MPP2: variants seen among roughly 807,000 people sequenced by gnomAD.
MPP2 encodes MAGUK p55 subfamily member 2.
In MPP2, 42 loss-of-function variants were observed where a neutral mutation model predicts 58.5. The observed-to-expected ratio is 0.72, with a 90% confidence interval of 0.56 to 0.93. The LOEUF (loss-of-function observed/expected upper bound fraction) is 0.93, where lower values mean the gene tolerates loss of function less well. Among genes scored for constraint, MPP2 ranks in the 40% least tolerant of loss-of-function variants. MPP2 has a pLI of 0.00. For missense variants in MPP2, 632 were observed against 760.4 expected, an observed-to-expected ratio of 0.83 and a Z score of 1.99; for synonymous variants, 300 against 307.8, an observed-to-expected ratio of 0.97 and a Z score of 0.26.
At chr17:43,898,586 TG>T (rs1165529200) in intron 2 of MPP2, among the ~76,000 whole-genome samples, 1 of 151,998 alleles carries the variant, frequency 6.6e-6, no homozygotes, top group Admixed American at 6.5e-5. Context: ...ACAATTTCCT[TG>T]GCCTGTTCTC....
At position 43,881,155 on chromosome 17, in the gene MPP2, G is replaced by C; in HGVS notation, c.923C>G (p.Thr308Ser). ...CTTTCCTGAAAGGCTGCCGCATAGG[G>C]TCCCTGGCCATAGGGAGATGGGTGA... ...RDLELTPNSG[T>S]LCGSLSGKKK... The change falls in exon 9 of 13, where the codon ACC (threonine) becomes AGC (serine). Residue 308 changes from threonine to serine, a missense_variant. By Grantham distance (58) the Thr-to-Ser change is moderately conservative (BLOSUM62 1). Transcript: ENST00000269095. 1 of 1,614,058 alleles carries C rather than the reference G, an allele frequency of 6.2e-7. No individual in the cohort carries two copies. Among genetic ancestry groups the C allele is most frequent in the African/African-American group, 1.3e-5 (1 of 75,004 alleles).
rs368406948 is a variant in MPP2, at chr17:43,879,926, G to A, written c.1209C>T (p.Ser403=). ...GGACGTCAGCCTCCATCTCCCCACG[G>A]GACACAAAGCTGTAACCCTGACCTT... ...EREGQGYSFV[S]RGEMEADVRA... is the part of the protein sequence containing the mutation. Residue 403 remains serine (S), a synonymous_variant, in exon 11 of 13, where the codon TCC becomes TCT. Coordinates refer to ENST00000269095, the MANE Select transcript of MPP2 (RefSeq NM_005374.5). This position sits in a 1 kb window ranked among gnomAD's most constrained non-coding sequence, Gnocchi z 4.1. 7 of 1,613,952 alleles carry A rather than the reference G, an allele frequency of 4.3e-6. No homozygotes were observed. In the African/African-American group the frequency reaches 8.0e-5, roughly 18 times the overall value.
rs1168038740 is a variant in MPP2 at position 43,877,588 on chromosome 17, G to C, written c.*219C>G. Reference sequence around the variant, plus strand: ...ATCTGGTGACCAATGGGCATCAGGAGTGGGCAGCACCTGGGCACAAGGTAC... The same window carrying C: ...ATCTGGTGACCAATGGGCATCAGGACTGGGCAGCACCTGGGCACAAGGTAC... On this transcript the variant is annotated 3_prime_UTR_variant, in exon 13 of 13. Transcript: ENST00000269095. 1.0e-5 allele frequency: 6 copies of C among 572,930 alleles called. No homozygotes were observed. The highest frequency in any genetic ancestry group is 1.9e-5 in the African/African-American group (1 of 53,656). 35.5% of individuals were successfully genotyped at this position (572,930 alleles called of 1,614,324 possible).
At chr17:43,890,406 T>C (rs1047792781) in intron 3 of MPP2, among the ~76,000 whole-genome samples, 4 of 152,182 alleles carry the variant, frequency 2.6e-5, no homozygotes, top group African/African-American at 9.7e-5. Flanking sequence ...GAGACACAGC[T>C]AGTTTATAGT....
In MPP2 at chr17:43,904,375, C is replaced by T. The variant is rs376883134; in HGVS notation, c.31+55G>A. ...GTGCAAGTGCCCACCCCTAAGTCCT[C>T]GCCTGGCACCCTCTGAACCACTGAA... On this transcript the variant is annotated intron_variant, in intron 2 of 12. Coordinates refer to ENST00000269095, the MANE Select transcript of MPP2 (RefSeq NM_005374.5). 1.1e-4 allele frequency: 174 copies of T among 1,583,530 alleles called. No homozygotes were observed. In the African/African-American group the frequency reaches 1.5e-3, roughly 13 times the overall value.
rs573676278 is a variant in MPP2 at position 43,879,347 on chromosome 17, G to A, written c.1410C>T (p.Ala470=). 2.5e-6 allele frequency: 4 copies of A among 1,614,124 alleles called. No individual in the cohort carries two copies. In the South Asian group the frequency reaches 4.4e-5, roughly 18 times the overall value. ...EFVPYVVFIE[A]PDFETLRAMN... Reference sequence around the variant, plus strand: ...TGGCCCGCAGGGTCTCGAAGTCTGGGGCCTCGATGAACACCACGTAAGGGA... The same window carrying A: ...TGGCCCGCAGGGTCTCGAAGTCTGGAGCCTCGATGAACACCACGTAAGGGA... The change falls in exon 12 of 13, where the codon GCC becomes GCT. Residue 470 remains alanine, a synonymous_variant. Transcript: ENST00000269095. This position sits in a 1 kb window ranked among gnomAD's most constrained non-coding sequence, Gnocchi z 4.1.
At position 43,879,161 on chromosome 17, in the gene MPP2, G is replaced by T; in HGVS notation, c.1482+114C>A. Reference sequence around the variant, plus strand: ...ACCACGTCCTGCCTCACTGATAACTGGAGCAGGCCCCTGTCCCTCCCCAAC... The same window carrying T: ...ACCACGTCCTGCCTCACTGATAACTTGAGCAGGCCCCTGTCCCTCCCCAAC... On this transcript the variant is annotated intron_variant, in intron 12 of 12. Transcript: ENST00000269095. This position sits in a 1 kb window ranked among gnomAD's most constrained non-coding sequence, Gnocchi z 4.1. 1 of 1,316,812 alleles carries T rather than the reference G, an allele frequency of 7.6e-7. No individual in the cohort carries two copies. Among genetic ancestry groups the T allele is most frequent in the East Asian group, 2.3e-5 (1 of 42,834 alleles). 81.6% of individuals were successfully genotyped at this position (1,316,812 alleles called of 1,614,324 possible). A position where few individuals can be genotyped will look rare whatever the true frequency, so the allele number is the denominator to read the frequency against.
At chr17:43,902,879 A>G (rs34904618) in intron 2 of MPP2, among the ~76,000 whole-genome samples, 2,114 of 152,300 alleles carry the variant, frequency 0.014, 52 homozygotes, top group African/African-American at 0.048. Context: ...TCCTGCGTGC[A>G]CTACGGGAAT....
At chr17:43,908,036 T>A (rs909141266), upstream of MPP2, 4 of 941,466 alleles carry the variant, frequency 4.2e-6, no homozygotes, top group African/African-American at 7.1e-5. Flanking sequence ...AGAGGGTGGA[T>A]ATCCGGATTC....
At chr17:43,909,524 TAATC>T (rs775932921), upstream of MPP2, 210 of 1,362,230 alleles carry the variant, frequency 1.5e-4, no homozygotes, top group Non-Finnish European at 1.9e-4. Context: ...AATTACTTCT[TAATC>T]AAGCAATTAT....
intron 1 of MPP2, 119 bp downstream of exon 1, chr17:43,907,355 G>A: frequency 5.1e-6 from 5 of 985,732 alleles, no homozygotes; most frequent in Non-Finnish European, 6.0e-6. Flanking sequence ...GAACGGGCCT[G>A]GGTGAAAGGG....
intron 2 of MPP2, chr17:43,900,442 C>A: frequency 6.5e-7 from 1 of 1,546,674 alleles, no homozygotes; most frequent in South Asian, 1.2e-5. Flanking sequence ...GCCAGCTGCC[C>A]CGCCCCCATC....
At chr17:43,888,001 T>G (rs1191302127) in intron 3 of MPP2, among the ~76,000 whole-genome samples, 1 of 152,118 alleles carries the variant, frequency 6.6e-6, no homozygotes, top group Non-Finnish European at 1.5e-5. Flanking sequence ...CATGACTTGT[T>G]GAATGTTGAA....
At chr17:43,889,804 C>T (rs1232962548) in intron 3 of MPP2, among the ~76,000 whole-genome samples, 3 of 93,614 alleles carry the variant, frequency 3.2e-5, no homozygotes, top group African/African-American at 1.6e-4. Flanking sequence ...TGTCCAAATG[C>T]GTTTTTTTTT....
intron 12 of MPP2, 66 bp from the exon 13 acceptor site, chr17:43,878,049 G>A: frequency 6.6e-7 from 1 of 1,509,330 alleles, no homozygotes; most frequent in Non-Finnish European, 8.9e-7. Flanking sequence ...GTCAGAAGGA[G>A]CTACAGCTGC....
Position 43,879,953 on chromosome 17 carries a change from C to A in MPP2, c.1182G>T (p.Arg394=). ...YTSRRPKDSE[R]EGQGYSFVSR... ...ACACAAAGCTGTAACCCTGACCTTC[C>A]CGCTCTGAGTCTTTCGGCCGCCGGG... is the stretch of plus-strand genomic sequence containing the variant. The change falls in exon 11 of 13, where the codon CGG becomes CGT. Residue 394 remains arginine, a synonymous_variant. Coordinates refer to ENST00000269095, the MANE Select transcript of MPP2 (RefSeq NM_005374.5). The surrounding 1 kb of genome is among the most constrained non-coding windows in gnomAD (Gnocchi z 4.1). 1 of 1,614,090 alleles carries A rather than the reference C, an allele frequency of 6.2e-7. No individual in the cohort carries two copies. Among genetic ancestry groups the A allele is most frequent in the Non-Finnish European group, 8.5e-7 (1 of 1,179,994 alleles).
chr17:43,883,285 A>ATC lies in MPP2; in HGVS notation c.219_220dup (p.Ile74ArgfsTer81). 6.2e-7 allele frequency: 1 copy of ATC among 1,613,096 alleles called. No homozygotes were observed. The highest frequency in any genetic ancestry group is 8.5e-7 in the Non-Finnish European group (1 of 1,179,860). ...AGCCAGCTGCGCCAGGTCCCGCAGG[A>ATC]TCTCCTGCACCAGCTCCAGGTTGTT... On this transcript the variant is annotated frameshift_variant, in exon 4 of 13. Coordinates refer to ENST00000269095, the MANE Select transcript of MPP2 (RefSeq NM_005374.5). LOFTEE classifies it high-confidence loss of function.
At chr17:43,896,296 T>C (rs1352548458) in intron 3 of MPP2, among the ~76,000 whole-genome samples, 1 of 152,034 alleles carries the variant, frequency 6.6e-6, no homozygotes, top group African/African-American at 2.4e-5. Context: ...CCCATCCCAC[T>C]CCTGAGCCTT....
chr17:43,896,137 C>CTG (rs2047836601), intron 3 of MPP2, among the ~76,000 whole-genome samples: 1 of 152,092 alleles, frequency 6.6e-6, no homozygotes, highest in Non-Finnish European at 1.5e-5. Flanking sequence ...CACCACCTGG[C>CTG]TATACCTTCT....
Sources: gnomAD v4.1 joint callset for allele counts (sites outside exome capture counted in the v4.1 genomes callset) on GRCh38, gnomAD v4.1.1 for gene constraint, Gnocchi (gnomAD v3.1) non-coding constraint, MANE v1.5 for transcripts, NCBI Gene and HGNC (gene_info 2026-07-23, HGNC 2026-07-21) for gene names.